TMEM40: variants seen among roughly 807,000 people sequenced by gnomAD.
TMEM40 encodes transmembrane protein 40.
In TMEM40, 34 loss-of-function variants were observed where a neutral mutation model predicts 40.8. That is an observed-to-expected ratio of 0.83 (90% confidence interval 0.63 to 1.11). TMEM40 has a LOEUF of 1.11. Ranked by LOEUF, TMEM40 falls within the 50% of genes least tolerant of loss-of-function variation. The pLI, the probability that TMEM40 is intolerant of heterozygous loss-of-function variation, is 0.00. For missense variants in TMEM40, 296 were observed against 280.2 expected, an observed-to-expected ratio of 1.06 and a Z score of -0.40; for synonymous variants, 106 against 107.0, an observed-to-expected ratio of 0.99 and a Z score of 0.06.
At position 12,750,003 on chromosome 3, in the gene TMEM40, C is replaced by T. The variant is rs1350303467; in HGVS notation, c.-8-163G>A. Among the ~76,000 whole-genome samples, 3 of 151,652 alleles carry T rather than the reference C, an allele frequency of 2.0e-5. No homozygotes were observed. In the South Asian group the frequency reaches 6.3e-4, roughly 32 times the overall value. ...GTAGTTCTGTTGGCAAGCAAGAAGG[C>T]CGGGGTAGTGGAGGGAGGAGGGTTA... On this transcript the variant is annotated intron_variant, in intron 1 of 11. Coordinates refer to ENST00000314124, the MANE Select transcript of TMEM40 (RefSeq NM_018306.4).
At chr3:12,748,546 A>C in intron 3 of TMEM40, 109 bp downstream of exon 3, 1 of 1,428,044 alleles carries the variant, frequency 7.0e-7, no homozygotes, top group Non-Finnish European at 9.4e-7. Flanking sequence ...GAATGTGGAG[A>C]AACGGTATTG....
chr3:12,742,348 G>T, intron 5 of TMEM40, 106 bp downstream of exon 5: 1 of 1,354,252 alleles, frequency 7.4e-7, no homozygotes, highest in South Asian at 1.3e-5. Flanking sequence ...TATTTGGCTG[G>T]GACTTTTCAG....
chr3:12,740,776 TGAGCC>T (rs576179217), intron 5 of TMEM40, among the ~76,000 whole-genome samples: 223 of 152,162 alleles, frequency 1.5e-3, no homozygotes, highest in African/African-American at 5.0e-3. Context: ...GAGAATCGCT[TGAGCC>T]CAGGAGGTGG....
At chr3:12,769,352 T>G (rs1401128450) in exon 1 of TMEM40, 1 of 267,162 alleles carries the variant, frequency 3.7e-6, no homozygotes, top group Non-Finnish European at 8.5e-6. Context: ...GCGGCCAGAG[T>G]GGGCGCCGAG....
chr3:12,736,311 G>C (rs1278615459), intron 10 of TMEM40, among the ~76,000 whole-genome samples: 1 of 152,194 alleles, frequency 6.6e-6, no homozygotes, highest in East Asian at 1.9e-4. Context: ...ACCAGGCCTG[G>C]CTAATTTTTT....
upstream of TMEM40, among the ~76,000 whole-genome samples, chr3:12,763,726 G>A (rs916474561): frequency 5.3e-5 from 8 of 152,204 alleles, no homozygotes; most frequent in Admixed American, 2.6e-4. Context: ...TCAAGGCAGC[G>A]CCTGGCACAC....
At position 12,748,686 on chromosome 3, in the gene TMEM40, G is replaced by A. The variant is rs994744830; in HGVS notation, c.180C>T (p.Ser60=). The change falls in exon 3 of 12, where the codon TCC becomes TCT. Residue 60 remains serine (S), a synonymous_variant. Transcript: ENST00000314124. ...AGGAGGAGGATGAAGAAGATGAGGAGGATGAGGAGGAAGAGGAGGAGGAGG... is the reference window on the plus strand; with the variant it reads ...AGGAGGAGGATGAAGAAGATGAGGAAGATGAGGAGGAAGAGGAGGAGGAGG... ...SSSSSSSSSS[S]SSSSSSSSSS... is the part of the protein sequence containing the mutation. 6.2e-7 allele frequency: 1 copy of A among 1,612,470 alleles called. No individual in the cohort carries two copies. Among genetic ancestry groups the A allele is most frequent in the Non-Finnish European group, 8.5e-7 (1 of 1,178,912 alleles).
At chr3:12,768,682 T>C (rs904099942) in intron 1 of TMEM40, among the ~76,000 whole-genome samples, 1 of 151,968 alleles carries the variant, frequency 6.6e-6, no homozygotes. Flanking sequence ...TAGCTAGACA[T>C]AAAGGTTCTC....
At chr3:12,742,388 T>C (rs1402950137) in intron 5 of TMEM40, 66 bp downstream of exon 5, 2 of 1,575,812 alleles carry the variant, frequency 1.3e-6, no homozygotes, top group Admixed American at 1.7e-5. Context: ...ACCTTGTTTC[T>C]GCCCAGCAAA....
At chr3:12,748,477 A>G (rs1232438785) in intron 3 of TMEM40, among the ~76,000 whole-genome samples, 178 bp downstream of exon 3, 3 of 152,260 alleles carry the variant, frequency 2.0e-5, no homozygotes, top group Admixed American at 6.5e-5. Context: ...AAAATTGCCT[A>G]TACGATCAAT....
At chr3:12,744,183 T>C (rs2061408451) in intron 3 of TMEM40, among the ~76,000 whole-genome samples, 194 bp from the exon 4 acceptor site, 1 of 152,198 alleles carries the variant, frequency 6.6e-6, no homozygotes, top group Non-Finnish European at 1.5e-5. Context: ...TCCCTTAATA[T>C]TTCTGTTGAT....
At position 12,743,319 on chromosome 3, in the gene TMEM40, T is replaced by C. The variant is rs113701322; in HGVS notation, c.301+581A>G. On this transcript the variant is annotated intron_variant, in intron 4 of 11. Transcript: ENST00000314124. ...CCTGTCTCTACTAAAAATACAAAAT[T>C]AGCCAGGCATGGTGGCGCATGCCTG... 2.5e-3 allele frequency among the ~76,000 whole-genome samples: 377 copies of C among 151,976 alleles called. 3 individuals carry two copies. The highest frequency in any genetic ancestry group is 8.6e-3 in the African/African-American group (356 of 41,420).
At position 12,757,259 on chromosome 3, in the gene TMEM40, C is replaced by T. The variant is rs541106211; in HGVS notation, c.-9+1932G>A. Among the ~76,000 whole-genome samples the T allele has an allele frequency of 2.6e-5, 4 of 152,092 alleles. 1 individual carries two copies. The highest frequency in any genetic ancestry group is 4.2e-4 in the South Asian group (2 of 4,808). On this transcript the variant is annotated intron_variant, in intron 1 of 11. Coordinates refer to ENST00000314124, the MANE Select transcript of TMEM40 (RefSeq NM_018306.4). ...CTGAGGCGGGCGGATCACCTGAGGT[C>T]GGGAGTTCGAGACCAGGCTGGCCAA...
intron 1 of TMEM40, among the ~76,000 whole-genome samples, chr3:12,757,043 A>G (rs1393987537): frequency 6.6e-6 from 1 of 152,206 alleles, no homozygotes; most frequent in Non-Finnish European, 1.5e-5. Flanking sequence ...GAGCTTCAGA[A>G]TCCTTAGTTG....
At chr3:12,746,509 G>T (rs1042196053) in intron 3 of TMEM40, among the ~76,000 whole-genome samples, 3 of 152,216 alleles carry the variant, frequency 2.0e-5, no homozygotes, top group African/African-American at 7.2e-5. Context: ...AAACAGGTAT[G>T]TGGGAGAGAG....
At chr3:12,760,602 G>A (rs536623450), upstream of TMEM40, among the ~76,000 whole-genome samples, 3 of 152,238 alleles carry the variant, frequency 2.0e-5, no homozygotes, top group East Asian at 5.8e-4. Context: ...GCTTAAAGTA[G>A]TAACCCCACA....
intron 5 of TMEM40, among the ~76,000 whole-genome samples, chr3:12,740,546 C>CAAAAA (rs780832284): frequency 2.1e-5 from 1 of 47,510 alleles, no homozygotes; most frequent in Non-Finnish European, 5.4e-5. Context: ...CTAAAAATAC[C>CAAAAA]AAAAAAAAAA....
intron 1 of TMEM40, among the ~76,000 whole-genome samples, chr3:12,753,172 C>T (rs1056496767): frequency 7.4e-5 from 11 of 149,472 alleles, no homozygotes; most frequent in African/African-American, 2.5e-4. Flanking sequence ...CTCCTCCACA[C>T]ATTTTTCTTT....
upstream of TMEM40, among the ~76,000 whole-genome samples, chr3:12,761,635 A>G (rs530004556): frequency 3.3e-5 from 5 of 151,708 alleles, no homozygotes; most frequent in South Asian, 1.0e-3. Flanking sequence ...AAGAAAAAAG[A>G]TAAGGATTTG....
Sources: allele counts gnomAD v4.1 joint callset (sites outside exome capture counted in the v4.1 genomes callset), GRCh38; gene constraint gnomAD v4.1.1; transcripts MANE v1.5; gene names NCBI Gene and HGNC (gene_info 2026-07-23, HGNC 2026-07-21).